The following SDHAF3 variants were observed in gnomAD, a reference collection of about 807,000 sequenced individuals.
SDHAF3 encodes the protein succinate dehydrogenase complex assembly factor 3, also known as succinate dehydrogenase assembly factor 3, mitochondrial.
In SDHAF3, 18 loss-of-function variants were observed where a neutral mutation model predicts 11.5. The ratio of observed to expected loss-of-function variants is 1.56; its 90% CI spans 1.08 to 2.32. The LOEUF is 2.32. Ranked by LOEUF, SDHAF3 falls within the 30% of genes most tolerant of loss-of-function variation. SDHAF3 has a pLI of 0.00. For synonymous variants in SDHAF3, 72 were observed against 59.3 expected (o/e 1.21, Z -0.99); for missense variants, 200 against 154.4 (o/e 1.30, Z -1.57).
At position 97,147,123 on chromosome 7, in the gene SDHAF3, C is replaced by T. The variant is rs556099473; in HGVS notation, c.174+29226C>T. 7.2e-5 allele frequency among the ~76,000 whole-genome samples: 11 copies of T among 152,276 alleles called. No individual in the cohort carries two copies. The South Asian group carries it at 2.3e-3, about 32-fold the overall frequency. ...GGATAAAACTTGTCAGATAAATTAT[C>T]TGTATTTAGGATTATTTTAAACGTT... is the stretch of plus-strand genomic sequence containing the variant. On this transcript the variant is annotated intron_variant, in intron 1 of 1. Coordinates refer to ENST00000432641, the MANE Select transcript of SDHAF3 (RefSeq NM_020186.3).
intron 1 of SDHAF3, chr7:97,134,869 A>T (rs1270909308): frequency 6.6e-6 from 1 of 152,218 alleles, no homozygotes; most frequent in African/African-American, 2.4e-5. Context: ...ACTTTTAGAG[A>T]AACTGACATG....
intron 1 of SDHAF3, among the ~76,000 whole-genome samples, chr7:97,137,405 A>C (rs2115655111): frequency 6.6e-6 from 1 of 152,328 alleles, no homozygotes; most frequent in Middle Eastern, 3.4e-3. Flanking sequence ...GGACATTATT[A>C]AGTTCAAAAC....
intron 1 of SDHAF3, among the ~76,000 whole-genome samples, chr7:97,169,102 G>A (rs1344691316): frequency 6.6e-6 from 1 of 152,130 alleles, no homozygotes; most frequent in East Asian, 1.9e-4. Flanking sequence ...GAGGCCGACG[G>A]ATCACTTGAG....
At chr7:97,157,234 A>T (rs1406271432) in intron 1 of SDHAF3, among the ~76,000 whole-genome samples, 1 of 152,124 alleles carries the variant, frequency 6.6e-6, no homozygotes, top group Non-Finnish European at 1.5e-5. Context: ...TGGCTTCCTG[A>T]GTTGATTCTT....
In SDHAF3 at chr7:97,159,975, G is replaced by A. The variant is rs117352200; in HGVS notation, c.175-21037G>A. Among the ~76,000 whole-genome samples, 408 of 152,334 alleles carry A rather than the reference G, an allele frequency of 2.7e-3. 1 individual carries two copies. The highest frequency in any genetic ancestry group is 6.4e-3 in the Admixed American group (98 of 15,300). On this transcript the variant is annotated intron_variant, in intron 1 of 1. Transcript: ENST00000432641. ...TGTCTGAGGATGGTGCTATCCTGATGACATTAGGAAAGGAAAGATAATGAC... is the reference window on the plus strand; with the variant it reads ...TGTCTGAGGATGGTGCTATCCTGATAACATTAGGAAAGGAAAGATAATGAC...
At chr7:97,141,567 G>A (rs143951646) in intron 1 of SDHAF3, among the ~76,000 whole-genome samples, 32 of 152,250 alleles carry the variant, frequency 2.1e-4, no homozygotes, top group Non-Finnish European at 1.3e-4. Context: ...AATTTCCCCC[G>A]ATATCTGGCG....
intron 1 of SDHAF3, among the ~76,000 whole-genome samples, chr7:97,123,927 T>C (rs1232953494): frequency 2.6e-5 from 4 of 151,986 alleles, no homozygotes; most frequent in African/African-American, 9.7e-5. Context: ...ATTGCAAAAA[T>C]TTTCTCCCGT....
chr7:97,122,740 TACTC>T (rs1161023556), intron 1 of SDHAF3, among the ~76,000 whole-genome samples: 1 of 152,142 alleles, frequency 6.6e-6, no homozygotes, highest in Non-Finnish European at 1.5e-5. Flanking sequence ...GTTGGTCTGA[TACTC>T]AGGAGACAGA....
At chr7:97,174,024 A>G (rs139147660) in intron 1 of SDHAF3, among the ~76,000 whole-genome samples, 9,867 of 152,036 alleles carry the variant, frequency 0.065, 733 homozygotes, top group East Asian at 0.29. Context: ...GTTTTAAGCA[A>G]TTCTCCTGCC....
intron 1 of SDHAF3, among the ~76,000 whole-genome samples, chr7:97,171,572 G>A (rs1453747673): frequency 2.6e-5 from 4 of 151,948 alleles, no homozygotes; most frequent in Admixed American, 6.6e-5. Context: ...AGTTTTTAAT[G>A]GGACATGTCA....
At position 97,176,472 on chromosome 7, in the gene SDHAF3, C is replaced by T. The variant is rs774004486; in HGVS notation, c.175-4540C>T. On this transcript the variant is annotated intron_variant, in intron 1 of 1. Coordinates refer to ENST00000432641, the MANE Select transcript of SDHAF3 (RefSeq NM_020186.3). The stretch of plus-strand genomic sequence containing the variant: ...CTTCCCTCCAGGTAGATATGCTTGG[C>T]GGGGTGACTTAGTCATAAATTCACA... Among the ~76,000 whole-genome samples the T allele has an allele frequency of 2.6e-5, 4 of 152,102 alleles. No individual in the cohort carries two copies. The South Asian group carries it at 6.2e-4, about 24-fold the overall frequency.
chr7:97,141,612 T>TA (rs1299522879), intron 1 of SDHAF3, among the ~76,000 whole-genome samples: 1 of 152,072 alleles, frequency 6.6e-6, no homozygotes, highest in Non-Finnish European at 1.5e-5. Flanking sequence ...ACCCTGAGAT[T>TA]AAGAGTCTCA....
In SDHAF3 at chr7:97,181,382, A is replaced by G; in HGVS notation, c.*167A>G. 4.0e-6 allele frequency: 2 copies of G among 505,888 alleles called. No individual in the cohort carries two copies. Among genetic ancestry groups the G allele is most frequent in the East Asian group, 3.3e-5 (1 of 30,360 alleles). 31.3% of individuals were successfully genotyped at this position (505,888 alleles called of 1,614,324 possible). On this transcript the variant is annotated 3_prime_UTR_variant, in exon 2 of 2. Transcript: ENST00000432641. ...ATATGGATCAAGATCACTAGTGACA[A>G]TTGAAAAAAACTATTGGAATAATAG...
intron 1 of SDHAF3, among the ~76,000 whole-genome samples, chr7:97,130,118 A>G (rs1791644297): frequency 6.6e-6 from 1 of 152,104 alleles, no homozygotes; most frequent in African/African-American, 2.4e-5. Context: ...TTAAAAATAT[A>G]AAAACTATCC....
chr7:97,180,371 C>T (rs559890945), intron 1 of SDHAF3, among the ~76,000 whole-genome samples: 1 of 152,172 alleles, frequency 6.6e-6, no homozygotes, highest in African/African-American at 2.4e-5. Flanking sequence ...AACACAGGAA[C>T]AGAAAAATAA....
intron 1 of SDHAF3, chr7:97,135,633 CGTGCGTGTGTGTGT>C (rs1791748024): frequency 1.4e-5 from 1 of 71,050 alleles, no homozygotes; most frequent in Admixed American, 1.6e-4. Flanking sequence ...GATGTATGTG[CGTGCGTGTGTGTGT>C]GTGTGTGTGT....
At chr7:97,167,972 C>T (rs1789539248) in intron 1 of SDHAF3, among the ~76,000 whole-genome samples, 1 of 152,134 alleles carries the variant, frequency 6.6e-6, no homozygotes. Flanking sequence ...TGGGCATGCC[C>T]ACAGTGAACT....
intron 1 of SDHAF3, among the ~76,000 whole-genome samples, chr7:97,164,543 A>G (rs1171240132): frequency 1.3e-5 from 2 of 151,718 alleles, no homozygotes. Context: ...CACCCGGCCA[A>G]TTTTGTATTT....
intron 1 of SDHAF3, among the ~76,000 whole-genome samples, chr7:97,152,681 G>A (rs1013955723): frequency 4.0e-5 from 6 of 151,806 alleles, no homozygotes; most frequent in South Asian, 2.1e-4. Context: ...ATGGAGTCTC[G>A]CTCTTTCGCC....
Sources: gnomAD v4.1 joint callset for allele counts (sites outside exome capture counted in the v4.1 genomes callset) on GRCh38, gnomAD v4.1.1 for gene constraint, MANE v1.5 for transcripts, NCBI Gene and HGNC (gene_info 2026-07-23, HGNC 2026-07-21) for gene names.